Variants in MAML3 observed in about 807,000 individuals in gnomAD.
The protein encoded by MAML3 is mastermind like transcriptional coactivator 3.
In MAML3, 27 loss-of-function variants were observed where a neutral mutation model predicts 101.9. The ratio of observed to expected loss-of-function variants is 0.27; its 90% CI spans 0.20 to 0.37. The LOEUF (loss-of-function observed/expected upper bound fraction) is 0.37. MAML3 is among the 10% of genes least tolerant of loss of function. The probability of loss-of-function intolerance (pLI) is 1.00; values close to 1 mark genes in which losing one functional copy is unlikely to be tolerated. For synonymous variants in MAML3, 501 were observed against 555.9 expected, an observed-to-expected ratio of 0.90 and a Z score of 1.39; for missense variants, 1,316 against 1,444.9, an observed-to-expected ratio of 0.91 and a Z score of 1.45.
intron 2 of MAML3, among the ~76,000 whole-genome samples, chr4:139,846,784 T>C (rs1731459393): frequency 6.6e-6 from 1 of 152,238 alleles, no homozygotes. Flanking sequence ...ATACTTCAAA[T>C]ACCTATTGCA....
intron 1 of MAML3, chr4:140,134,193 T>C (rs1395061054): frequency 1.5e-5 from 7 of 456,616 alleles, no homozygotes; most frequent in Admixed American, 4.7e-5. Context: ...AATATGTAGA[T>C]TGGTCCCCTA....
chr4:139,987,637 T>A (rs76512589), intron 1 of MAML3, among the ~76,000 whole-genome samples: 2,379 of 152,106 alleles, frequency 0.016, 68 homozygotes, highest in African/African-American at 0.053. Context: ...TGTGTGGGAG[T>A]TCTCGGCATG....
intron 1 of MAML3, among the ~76,000 whole-genome samples, chr4:140,074,152 A>AGAGAGAAAGGAAAGAAAGAAAGAGAG (rs1560885419): frequency 1.5e-4 from 20 of 135,894 alleles, no homozygotes; most frequent in East Asian, 4.4e-4. Flanking sequence ...GAAAGAAAGA[A>AGAGAGAAAGGAAAGAAAGAAAGAGAG]AGAGAGAGAG....
Position 139,890,367 on chromosome 4 carries a change from C to G in MAML3, c.1069G>C (p.Val357Leu), listed in dbSNP as rs370799875. Residue 357 changes from valine (V) to leucine (L), a missense_variant, in exon 2 of 5, where the codon GTG becomes CTG. Coordinates refer to ENST00000509479, the MANE Select transcript of MAML3 (RefSeq NM_018717.5). The surrounding 1 kb of genome is among the most constrained non-coding windows in gnomAD (Gnocchi z 4.1). ...GGAGAGTGAGAGGGGTCGCTCTTCACGCTCGCACTCTCCTGGGAGAGAGGG... is the reference window on the plus strand; with the variant it reads ...GGAGAGTGAGAGGGGTCGCTCTTCAGGCTCGCACTCTCCTGGGAGAGAGGG... ...ETPLSQESAS[V>L]KSDPSHSPFA... The G allele has an allele frequency of 6.2e-6, 10 of 1,602,668 alleles. No individual in the cohort carries two copies. The highest frequency in any genetic ancestry group is 2.7e-5 in the African/African-American group (2 of 74,708).
chr4:139,901,761 C>T (rs749636232), intron 1 of MAML3, among the ~76,000 whole-genome samples: 78 of 152,164 alleles, frequency 5.1e-4, no homozygotes, highest in Middle Eastern at 3.2e-3. Flanking sequence ...TGTTTATTTT[C>T]TGGAAGGAGG....
At chr4:139,945,392 T>A (rs2110747042) in intron 1 of MAML3, among the ~76,000 whole-genome samples, 1 of 152,332 alleles carries the variant, frequency 6.6e-6, no homozygotes, top group African/African-American at 2.4e-5. Context: ...TTTATTTTTA[T>A]TTTTTTAAAA....
At chr4:140,093,946 ATTCCAT>A (rs1441476734) in intron 1 of MAML3, among the ~76,000 whole-genome samples, 1 of 152,282 alleles carries the variant, frequency 6.6e-6, no homozygotes, top group African/African-American at 2.4e-5. Flanking sequence ...TCCCCCTGAC[ATTCCAT>A]CCTTTGGAGC....
intron 1 of MAML3, among the ~76,000 whole-genome samples, chr4:140,053,354 T>C (rs1727301419): frequency 6.6e-6 from 1 of 152,170 alleles, no homozygotes; most frequent in African/African-American, 2.4e-5. Flanking sequence ...GACCACTGCT[T>C]TGGAATGTCT....
At chr4:140,129,109 T>C (rs1728736966) in intron 1 of MAML3, among the ~76,000 whole-genome samples, 1 of 152,180 alleles carries the variant, frequency 6.6e-6, no homozygotes, top group South Asian at 2.1e-4. Flanking sequence ...CCTCATCTTT[T>C]AAATGGAAAC....
At chr4:139,787,578 A>G (rs1730327538) in intron 2 of MAML3, among the ~76,000 whole-genome samples, 1 of 152,212 alleles carries the variant, frequency 6.6e-6, no homozygotes, top group Non-Finnish European at 1.5e-5. Flanking sequence ...CCCAAACTGG[A>G]CACAGAATAG....
At chr4:140,129,086 G>A (rs1336257288) in intron 1 of MAML3, among the ~76,000 whole-genome samples, 8 of 152,080 alleles carry the variant, frequency 5.3e-5, no homozygotes, top group Admixed American at 5.2e-4. Context: ...AAAACTCTCG[G>A]GGGACTCAGT....
chr4:139,966,944 A>G (rs1734143776), intron 1 of MAML3, among the ~76,000 whole-genome samples: 1 of 152,232 alleles, frequency 6.6e-6, no homozygotes, highest in Non-Finnish European at 1.5e-5. Context: ...AGAGACATGA[A>G]GAATAAAGAT....
intron 1 of MAML3, among the ~76,000 whole-genome samples, chr4:140,081,651 C>T (rs1329957780): frequency 6.6e-6 from 1 of 152,114 alleles, no homozygotes; most frequent in African/African-American, 2.4e-5. Flanking sequence ...ATTGAAGTCT[C>T]ATTGGCATGA....
At chr4:139,968,116 T>A (rs959355230) in intron 1 of MAML3, among the ~76,000 whole-genome samples, 1 of 151,770 alleles carries the variant, frequency 6.6e-6, no homozygotes, top group Admixed American at 6.6e-5. Flanking sequence ...CAGTCTCTAC[T>A]AAAAATACAA....
intron 1 of MAML3, among the ~76,000 whole-genome samples, chr4:140,142,086 G>A (rs1169865326): frequency 6.6e-6 from 1 of 152,100 alleles, no homozygotes; most frequent in Non-Finnish European, 1.5e-5. Context: ...TCACAATATG[G>A]AATGCTATAT....
intron 1 of MAML3, among the ~76,000 whole-genome samples, chr4:139,960,396 G>T (rs1733989808): frequency 6.6e-6 from 1 of 152,164 alleles, no homozygotes; most frequent in South Asian, 2.1e-4. Flanking sequence ...CTCTTCCCAT[G>T]GTGGTCTTCA....
chr4:139,962,988 C>T (rs1235554551), intron 1 of MAML3, among the ~76,000 whole-genome samples: 1 of 151,868 alleles, frequency 6.6e-6, no homozygotes, highest in African/African-American at 2.4e-5. Context: ...TTTTTTTTAA[C>T]CATTCATCCA....
At chr4:139,850,352 G>A (rs1227496674) in intron 2 of MAML3, among the ~76,000 whole-genome samples, 1 of 152,134 alleles carries the variant, frequency 6.6e-6, no homozygotes, top group Non-Finnish European at 1.5e-5. Flanking sequence ...ATCCTGATCT[G>A]CCAGGACCTT....
intron 2 of MAML3, among the ~76,000 whole-genome samples, chr4:139,875,685 T>C (rs1314671796): frequency 6.6e-6 from 1 of 151,946 alleles, no homozygotes; most frequent in Non-Finnish European, 1.5e-5. Flanking sequence ...AATAAGGGCG[T>C]TCCTTTCCCA....
Sources: allele counts gnomAD v4.1 joint callset (sites outside exome capture counted in the v4.1 genomes callset), GRCh38; gene constraint gnomAD v4.1.1; non-coding constraint Gnocchi (gnomAD v3.1); transcripts MANE v1.5; gene names NCBI Gene and HGNC (gene_info 2026-07-23, HGNC 2026-07-21).